Variants in TSHZ3 observed in about 807,000 individuals in gnomAD.
TSHZ3 encodes teashirt zinc finger homeobox 3.
TSHZ3 carries 10 observed loss-of-function variants against 64.5 expected under a neutral mutation model. The observed-to-expected ratio is 0.16, with a 90% CI of 0.10 to 0.26. The LOEUF is 0.26. Among genes scored for constraint, TSHZ3 ranks in the 10% least tolerant of loss-of-function variants. The pLI, the probability that TSHZ3 is intolerant of heterozygous loss-of-function variation, is 1.00. For synonymous variants in TSHZ3, 608 were observed against 593.1 expected (o/e 1.03, Z -0.36); for missense variants, 1,242 against 1,421.7 (o/e 0.87, Z 2.03).
intron 1 of TSHZ3, among the ~76,000 whole-genome samples, chr19:31,296,779 G>T (rs1171432411): frequency 2.0e-5 from 3 of 152,178 alleles, no homozygotes; most frequent in African/African-American, 7.2e-5. Context: ...TGCATGCCTG[G>T]GAGTCAGTGG....
chr19:31,273,246 C>T (rs935073501), downstream of TSHZ3, among the ~76,000 whole-genome samples: 2 of 152,176 alleles, frequency 1.3e-5, no homozygotes, highest in African/African-American at 4.8e-5. Flanking sequence ...GCCTGGAGCC[C>T]TACTGCCCAA....
At chr19:31,155,982 A>G (rs77031940) in intron 6 of TSHZ3, among the ~76,000 whole-genome samples, 1,657 of 152,328 alleles carry the variant, frequency 0.011, 33 homozygotes, top group African/African-American at 0.037. Context: ...TAATGATCAC[A>G]TTGCTTTGCT....
intron 1 of TSHZ3, among the ~76,000 whole-genome samples, chr19:31,336,926 C>CAT (rs1917262893): frequency 6.6e-6 from 1 of 152,038 alleles, no homozygotes; most frequent in African/African-American, 2.4e-5. Flanking sequence ...CTGCAGAGTG[C>CAT]ATATTTTATC....
intron 1 of TSHZ3, among the ~76,000 whole-genome samples, chr19:31,328,781 C>T (rs540120741): frequency 2.0e-5 from 3 of 152,176 alleles, no homozygotes; most frequent in East Asian, 1.9e-4. Context: ...ATTACAATAC[C>T]GTATACATAC....
At chr19:31,246,676 A>G (rs991248375) in intron 1 of TSHZ3, among the ~76,000 whole-genome samples, 4 of 152,186 alleles carry the variant, frequency 2.6e-5, no homozygotes, top group Admixed American at 6.5e-5. Context: ...GAAATTGTTC[A>G]TATGCATACG....
At chr19:31,239,762 T>A (rs542912549) in intron 3 of TSHZ3, among the ~76,000 whole-genome samples, 3 of 151,722 alleles carry the variant, frequency 2.0e-5, no homozygotes, top group Non-Finnish European at 4.4e-5. Context: ...AAAAAACAAA[T>A]TGTGGAGATG....
rs754170829 is a variant in TSHZ3, at chr19:31,277,812, C to G, written c.1981G>C (p.Asp661His). ...GEPIKMEASS[D>H]GGFRSQENSP... is the part of the protein sequence containing the mutation. ...TTCTCCTGGCTGCGGAAGCCCCCAT[C>G]GCTGGATGCCTCCATCTTGATGGGT... The change falls in exon 2 of 2, where the codon GAT (aspartate) becomes CAT (histidine). Residue 661 changes from aspartate (D) to histidine (H), a missense_variant. By Grantham distance (81) the Asp-to-His change is moderately conservative (BLOSUM62 -1). This residue lies in a region of TSHZ3 where 550 missense variants were observed against 545.1 expected (regional missense o/e 1.01). Coordinates refer to ENST00000240587, the MANE Select transcript of TSHZ3 (RefSeq NM_020856.4). The surrounding 1 kb of genome is among the most constrained non-coding windows in gnomAD (Gnocchi z 4.5). 7 of 1,551,954 alleles carry G rather than the reference C, an allele frequency of 4.5e-6. No individual in the cohort carries two copies. Among genetic ancestry groups the G allele is most frequent in the South Asian group, 1.3e-5 (1 of 79,212 alleles).
intron 1 of TSHZ3, among the ~76,000 whole-genome samples, chr19:31,290,939 G>T (rs140811468): frequency 1.4e-3 from 220 of 152,282 alleles, no homozygotes; most frequent in African/African-American, 4.9e-3. Context: ...CTAATTTGAT[G>T]TAATGTGTGA....
At chr19:31,305,267 T>A (rs1916261202) in intron 1 of TSHZ3, among the ~76,000 whole-genome samples, 1 of 151,664 alleles carries the variant, frequency 6.6e-6, no homozygotes, top group East Asian at 1.9e-4. Flanking sequence ...ACCTCTGAAC[T>A]GTTGATTTCG....
intron 4 of TSHZ3, among the ~76,000 whole-genome samples, chr19:31,220,482 A>G (rs1293310998): frequency 6.6e-6 from 1 of 152,130 alleles, no homozygotes; most frequent in Non-Finnish European, 1.5e-5. Flanking sequence ...ATCTAACTTC[A>G]ATTTCACATT....
intron 5 of TSHZ3, among the ~76,000 whole-genome samples, chr19:31,201,695 G>A (rs1975089248): frequency 6.6e-6 from 1 of 152,150 alleles, no homozygotes; most frequent in African/African-American, 2.4e-5. Context: ...TTCAACTGCT[G>A]GGTGGAAGAG....
chr19:31,255,582 C>T (rs1448176506), intron 1 of TSHZ3, among the ~76,000 whole-genome samples: 1 of 152,120 alleles, frequency 6.6e-6, no homozygotes, highest in African/African-American at 2.4e-5. Flanking sequence ...AAAGCCACAC[C>T]ACGGACACCT....
chr19:31,231,491 C>T (rs1975539554), intron 3 of TSHZ3, among the ~76,000 whole-genome samples: 1 of 152,290 alleles, frequency 6.6e-6, no homozygotes, highest in East Asian at 1.9e-4. Context: ...AGATTTGTGG[C>T]AGTTGCATGA....
At chr19:31,328,889 T>A (rs993902127) in intron 1 of TSHZ3, among the ~76,000 whole-genome samples, 1 of 152,200 alleles carries the variant, frequency 6.6e-6, no homozygotes, top group African/African-American at 2.4e-5. Context: ...ATGTCACATA[T>A]CTGCATATCC....
chr19:31,340,917 A>C (rs1255721419), intron 1 of TSHZ3, among the ~76,000 whole-genome samples: 1 of 152,210 alleles, frequency 6.6e-6, no homozygotes, highest in Non-Finnish European at 1.5e-5. Flanking sequence ...AGGCCAGGGA[A>C]CCACTGCGTT....
At chr19:31,200,421 T>C (rs143850731) in intron 5 of TSHZ3, among the ~76,000 whole-genome samples, 26 of 152,202 alleles carry the variant, frequency 1.7e-4, no homozygotes, top group South Asian at 6.2e-4. Flanking sequence ...TACTAAGCCA[T>C]AAAAAGATAC....
At chr19:31,273,082 G>A (rs746847164), downstream of TSHZ3, among the ~76,000 whole-genome samples, 4 of 152,222 alleles carry the variant, frequency 2.6e-5, no homozygotes, top group South Asian at 2.1e-4. Flanking sequence ...AGGTTCTTCC[G>A]GACAGTGGCC....
chr19:31,321,329 C>T (rs753500390), intron 1 of TSHZ3, among the ~76,000 whole-genome samples: 2 of 152,204 alleles, frequency 1.3e-5, no homozygotes, highest in Admixed American at 6.5e-5. Flanking sequence ...CTCACTGGCC[C>T]GCCAATCGGA....
intron 1 of TSHZ3, among the ~76,000 whole-genome samples, chr19:31,335,271 G>A (rs1025174400): frequency 1.8e-4 from 28 of 152,152 alleles, no homozygotes; most frequent in African/African-American, 5.6e-4. Flanking sequence ...TAAGCAAAGC[G>A]CTTTCTCAGC....
Sources: gnomAD v4.1 joint callset for allele counts (sites outside exome capture counted in the v4.1 genomes callset) on GRCh38, gnomAD v4.1.1 for gene constraint, gnomAD v4.1.1 regional missense constraint, Gnocchi (gnomAD v3.1) non-coding constraint, MANE v1.5 for transcripts, NCBI Gene and HGNC (gene_info 2026-07-23, HGNC 2026-07-21) for gene names.